The following PCDH15 variants were observed in gnomAD, a reference collection of about 807,000 sequenced individuals.
The protein encoded by PCDH15 is protocadherin related 15.
In PCDH15, 129 loss-of-function variants were observed where a neutral mutation model predicts 178.5. The ratio of observed to expected loss-of-function variants is 0.72; its 90% CI spans 0.63 to 0.84. The LOEUF (loss-of-function observed/expected upper bound fraction) is 0.84. Among genes scored for constraint, PCDH15 ranks in the 40% least tolerant of loss-of-function variants. The pLI is 0.00. For synonymous variants in PCDH15, 800 were observed against 732.0 expected (o/e 1.09, Z -1.50); for missense variants, 2,230 against 2,099.9 (o/e 1.06, Z -1.21).
intron 3 of PCDH15, among the ~76,000 whole-genome samples, chr10:54,415,853 T>C (rs1416979144): frequency 1.3e-5 from 2 of 152,158 alleles, no homozygotes; most frequent in African/African-American, 4.8e-5. Flanking sequence ...ACAATTTATC[T>C]ACATGTGATT....
chr10:55,329,569 A>C (rs1050530925), intron 2 of PCDH15, among the ~76,000 whole-genome samples: 2 of 151,838 alleles, frequency 1.3e-5, no homozygotes, highest in African/African-American at 4.8e-5. Flanking sequence ...AGAAAATTAT[A>C]GTTTGTTAAG....
rs2044761212 is a variant in PCDH15 at position 54,153,435 on chromosome 10, T to A, written c.1591-142A>T. The A allele has an allele frequency of 8.3e-6, 7 of 846,414 alleles. No homozygotes were observed. The Middle Eastern group carries it at 1.8e-3, about 213-fold the overall frequency. The allele number at this position is 846,414 out of a possible 1,614,324, so 52.4% of individuals were successfully genotyped here. ...TTGACATATATACTGTTTTTTGTTTTTTGTTTTTTTAACTGAGGCTACTGT... is the reference window on the plus strand; with the variant it reads ...TTGACATATATACTGTTTTTTGTTTATTGTTTTTTTAACTGAGGCTACTGT... On this transcript the variant is annotated intron_variant, in intron 13 of 37. Coordinates refer to ENST00000644397, the MANE Select transcript of PCDH15 (RefSeq NM_001384140.1).
At chr10:54,819,947 A>AAATGC (rs1265609463) in intron 3 of PCDH15, among the ~76,000 whole-genome samples, 7 of 152,162 alleles carry the variant, frequency 4.6e-5, no homozygotes, top group Non-Finnish European at 7.4e-5. Context: ...AATACATATC[A>AAATGC]TTTAGCCTTA....
At chr10:55,543,799 A>G (rs1423764936) in intron 2 of PCDH15, among the ~76,000 whole-genome samples, 3 of 151,788 alleles carry the variant, frequency 2.0e-5, no homozygotes, top group Non-Finnish European at 4.4e-5. Context: ...TGTATGAGCT[A>G]CCATCAAATA....
chr10:54,385,476 T>C (rs1949809017), intron 3 of PCDH15, among the ~76,000 whole-genome samples: 1 of 152,200 alleles, frequency 6.6e-6, no homozygotes, highest in Non-Finnish European at 1.5e-5. Flanking sequence ...GCTTTTTTCA[T>C]GTAAAAGTGG....
intron 2 of PCDH15, among the ~76,000 whole-genome samples, chr10:55,458,651 T>C (rs1275993130): frequency 1.3e-5 from 2 of 152,026 alleles, no homozygotes; most frequent in Admixed American, 6.6e-5. Context: ...AGGTAAAGCA[T>C]GATGAATAGC....
chr10:55,418,565 C>T (rs1037485839), intron 2 of PCDH15, among the ~76,000 whole-genome samples: 1 of 151,596 alleles, frequency 6.6e-6, no homozygotes, highest in African/African-American at 2.4e-5. Context: ...TGCAAGCAGC[C>T]GCCCACCAGA....
At chr10:54,384,326 C>CT (rs56284504) in intron 3 of PCDH15, among the ~76,000 whole-genome samples, 42 of 149,206 alleles carry the variant, frequency 2.8e-4, no homozygotes, top group African/African-American at 6.0e-4. Flanking sequence ...GATCCCCCCC[C>CT]TTTTTTTTTT....
chr10:54,461,190 T>G (rs1032876800), intron 3 of PCDH15, among the ~76,000 whole-genome samples: 2 of 152,138 alleles, frequency 1.3e-5, no homozygotes, highest in African/African-American at 4.8e-5. Context: ...AAAGAAAATG[T>G]AATGCCTAGC....
rs552118234 is a variant in PCDH15 at position 54,216,414 on chromosome 10, G to A, written c.986-2366C>T. ...TGGAGGTTGCGTGAGCTGAGATTGT[G>A]CCACTGCACTCCAGCCTGTGCGACA... On this transcript the variant is annotated intron_variant, in intron 9 of 37. Transcript: ENST00000644397. Among the ~76,000 whole-genome samples, 15 of 152,138 alleles carry A rather than the reference G, an allele frequency of 9.9e-5. No homozygotes were observed. In the East Asian group the frequency reaches 2.7e-3, roughly 28 times the overall value.
chr10:53,864,929 C>T (rs902580020), intron 27 of PCDH15, among the ~76,000 whole-genome samples: 1 of 152,134 alleles, frequency 6.6e-6, no homozygotes, highest in Non-Finnish European at 1.5e-5. Flanking sequence ...AATTCACACT[C>T]AAAGCCGTCA....
At chr10:54,996,141 C>A (rs989420530) in intron 2 of PCDH15, among the ~76,000 whole-genome samples, 2 of 152,150 alleles carry the variant, frequency 1.3e-5, no homozygotes, top group African/African-American at 4.8e-5. Context: ...TGCAGTGGGC[C>A]AGGAGTTTCA....
rs1326046679 is a variant in PCDH15, at chr10:53,903,262, G to A, written c.3482C>T (p.Thr1161Ile). ...GCATACCTTCACTCTGAGTACAGAA[G>A]TAAACATTCTTGCATCTTCAGATAC... is the stretch of plus-strand genomic sequence containing the variant. ...GGVSEDARMF[T>I]SVLRVKATDK... The change falls in exon 26 of 38, where the codon ACT becomes ATT. Residue 1161 changes from threonine to isoleucine, a missense_variant. By Grantham distance (89) the Thr-to-Ile change is moderately conservative (BLOSUM62 -1). Coordinates refer to ENST00000644397, the MANE Select transcript of PCDH15 (RefSeq NM_001384140.1). 6.2e-7 allele frequency: 1 copy of A among 1,612,994 alleles called. No individual in the cohort carries two copies. Among genetic ancestry groups the A allele is most frequent in the Non-Finnish European group, 8.5e-7 (1 of 1,179,402 alleles).
At chr10:54,952,885 G>A (rs1178160166) in intron 2 of PCDH15, among the ~76,000 whole-genome samples, 2 of 151,200 alleles carry the variant, frequency 1.3e-5, no homozygotes, top group South Asian at 2.1e-4. Flanking sequence ...GTTTCAGAAG[G>A]GTTTTTTGTT....
At chr10:54,964,152 G>A (rs1196149108) in intron 2 of PCDH15, among the ~76,000 whole-genome samples, 1 of 152,166 alleles carries the variant, frequency 6.6e-6, no homozygotes. Context: ...AGCCCTGACG[G>A]TTGGTTTCCT....
In PCDH15 at chr10:55,299,194, T is replaced by C. The variant is rs1843207032; in HGVS notation, c.-156+20405A>G. Among the ~76,000 whole-genome samples, 3 of 152,310 alleles carry C rather than the reference T, an allele frequency of 2.0e-5. No individual in the cohort carries two copies. The South Asian group carries it at 6.2e-4, about 32-fold the overall frequency. The stretch of plus-strand genomic sequence containing the variant: ...TATACAAAAGATAGGCCCTCCTTCA[T>C]GATGAATTGAGACCTGTGGTAACTT... On this transcript the variant is annotated intron_variant, in intron 1 of 5. Transcript: ENST00000458638.
At chr10:54,151,788 G>A (rs568989930) in intron 14 of PCDH15, among the ~76,000 whole-genome samples, 37 of 152,144 alleles carry the variant, frequency 2.4e-4, no homozygotes, top group African/African-American at 8.7e-4. Flanking sequence ...TAAAAACACA[G>A]TTAACAACAA....
intron 1 of PCDH15, among the ~76,000 whole-genome samples, chr10:54,727,975 A>G (rs1942810669): frequency 6.6e-6 from 1 of 151,522 alleles, no homozygotes; most frequent in Admixed American, 6.6e-5. Context: ...CCTATACCAG[A>G]TATATTTACA....
chr10:55,263,457 T>A (rs1222495194), intron 1 of PCDH15, among the ~76,000 whole-genome samples: 2 of 152,142 alleles, frequency 1.3e-5, no homozygotes, highest in Admixed American at 6.5e-5. Flanking sequence ...GCATCTCACC[T>A]TTCCCTTTCC....
Sources: gnomAD v4.1 joint callset for allele counts (sites outside exome capture counted in the v4.1 genomes callset) on GRCh38, gnomAD v4.1.1 for gene constraint, MANE v1.5 for transcripts, NCBI Gene and HGNC (gene_info 2026-07-23, HGNC 2026-07-21) for gene names.